ABCB1: variants seen among roughly 807,000 people sequenced by gnomAD.
ABCB1 encodes ATP-dependent translocase ABCB1.
Under a neutral mutation model 142.0 loss-of-function variants are expected in ABCB1, and 69 were observed. The ratio of observed to expected loss-of-function variants is 0.49; its 90% confidence interval spans 0.40 to 0.59. The LOEUF is 0.59. Among genes scored for constraint, ABCB1 ranks in the 20% least tolerant of loss-of-function variants. The pLI, the probability that ABCB1 is intolerant of heterozygous loss-of-function variation, is 0.00. For missense variants in ABCB1, 1,326 were observed against 1,554.7 expected (o/e 0.85, Z 2.47); for synonymous variants, 532 against 539.2 (o/e 0.99, Z 0.18).
intron 8 of ABCB1, among the ~76,000 whole-genome samples, chr7:87,560,207 C>T (rs1045951502): frequency 6.6e-6 from 1 of 152,134 alleles, no homozygotes; most frequent in Admixed American, 6.6e-5. Flanking sequence ...ATTAGCCAGA[C>T]ATCTTTTAAA....
At chr7:87,518,888 T>A (rs1041073952) in intron 23 of ABCB1, 1 of 166,962 alleles carries the variant, frequency 6.0e-6, no homozygotes, top group Non-Finnish European at 1.3e-5. Context: ...TACCTTCCAA[T>A]TCCTCTCTTA....
intron 1 of ABCB1, among the ~76,000 whole-genome samples, chr7:87,674,159 T>G (rs892609533): frequency 3.3e-5 from 5 of 152,104 alleles, no homozygotes; most frequent in African/African-American, 7.2e-5. Context: ...TTCATCGAGG[T>G]GGTGGCAGTG....
intron 1 of ABCB1, among the ~76,000 whole-genome samples, chr7:87,633,950 C>G (rs1305217693): frequency 1.3e-5 from 2 of 152,066 alleles, no homozygotes; most frequent in African/African-American, 4.8e-5. Context: ...GTACAAAAAC[C>G]GTGGCCCCGG....
At chr7:87,623,330 G>A (rs769437557) in intron 1 of ABCB1, among the ~76,000 whole-genome samples, 1 of 152,216 alleles carries the variant, frequency 6.6e-6, no homozygotes, top group Non-Finnish European at 1.5e-5. Context: ...TCGAACTGAG[G>A]GTCAGTATTT....
chr7:87,611,438 G>A (rs1819846037), intron 1 of ABCB1, among the ~76,000 whole-genome samples: 1 of 151,962 alleles, frequency 6.6e-6, no homozygotes, highest in African/African-American at 2.4e-5. Flanking sequence ...GAAGACCCAG[G>A]GTTTAGCTCC....
rs769387998 is a variant in ABCB1, at chr7:87,566,816, C to T, written c.499G>A (p.Asp167Asn). ...AGTCGGGTGTTAAGCTCCCCAACAT[C>T]GTGCACATCAAACCAGCCTATCTCC... is the stretch of plus-strand genomic sequence containing the variant. ...RQEIGWFDVH[D>N]VGELNTRLTD... The change falls in exon 6 of 28, where the codon GAT becomes AAT. Residue 167 changes from aspartate (D) to asparagine (N), a missense_variant. By Grantham distance (23) the Asp-to-Asn change is conservative. Transcript: ENST00000622132. The T allele has an allele frequency of 3.7e-6, 6 of 1,614,068 alleles. No homozygotes were observed. The highest frequency in any genetic ancestry group is 5.1e-6 in the Non-Finnish European group (6 of 1,180,048).
At chr7:87,591,952 C>G (rs1359664742) in intron 3 of ABCB1, among the ~76,000 whole-genome samples, 3 of 152,052 alleles carry the variant, frequency 2.0e-5, no homozygotes, top group African/African-American at 7.2e-5. Context: ...CAAACCGTGA[C>G]ATAACAGAAG....
chr7:87,526,878 T>A lies in ABCB1; in HGVS notation c.2685+4416A>T, dbSNP rs560585334. Among the ~76,000 whole-genome samples the A allele has an allele frequency of 7.9e-5, 12 of 152,336 alleles. No individual in the cohort carries two copies. The South Asian group carries it at 2.5e-3, about 32-fold the overall frequency. ...TAAGAGCATATCTATAGATATGGAC[T>A]CATCCTAAACCGGATTGCATTTATA... is the stretch of plus-strand genomic sequence containing the variant. On this transcript the variant is annotated intron_variant, in intron 21 of 27. Coordinates refer to ENST00000622132, the MANE Select transcript of ABCB1 (RefSeq NM_001348946.2).
chr7:87,709,224 C>A (rs1393708034), intron 1 of ABCB1: 3 of 984,484 alleles, frequency 3.0e-6, no homozygotes, highest in African/African-American at 1.7e-5. Context: ...CCCTACATTT[C>A]TTATCTAGTA....
intron 1 of ABCB1, chr7:87,628,649 C>A: frequency 2.8e-6 from 1 of 357,626 alleles, no homozygotes; most frequent in Non-Finnish European, 4.9e-6. Context: ...AAGGGCGAGC[C>A]GTCAGTCCCC....
At chr7:87,653,413 A>G (rs1224168906) in intron 1 of ABCB1, among the ~76,000 whole-genome samples, 1 of 152,084 alleles carries the variant, frequency 6.6e-6, no homozygotes, top group African/African-American at 2.4e-5. Flanking sequence ...ACATAGTACC[A>G]CTTCAGCTAG....
Position 87,540,148 on chromosome 7 carries a change from T to C in ABCB1, c.2320-803A>G, listed in dbSNP as rs141076380. 5.1e-3 allele frequency among the ~76,000 whole-genome samples: 781 copies of C among 152,348 alleles called. 5 individuals carry two copies. The highest frequency in any genetic ancestry group is 0.018 in the African/African-American group (743 of 41,570). The stretch of plus-strand genomic sequence containing the variant: ...TTCTATTTTTTAAAAATGTAATACA[T>C]GCTTACATGTTAAATAAAGAGATCT... On this transcript the variant is annotated intron_variant, in intron 18 of 27. Coordinates refer to ENST00000622132, the MANE Select transcript of ABCB1 (RefSeq NM_001348946.2).
chr7:87,617,912 G>T (rs1820081642), intron 1 of ABCB1, among the ~76,000 whole-genome samples: 1 of 152,104 alleles, frequency 6.6e-6, no homozygotes, highest in South Asian at 2.1e-4. Context: ...ATACTCTCCT[G>T]ATCCTCCTTA....
intron 19 of ABCB1, among the ~76,000 whole-genome samples, chr7:87,537,843 T>C (rs1359708047): frequency 6.6e-6 from 1 of 152,240 alleles, no homozygotes; most frequent in Non-Finnish European, 1.5e-5. Context: ...AGTATGAATT[T>C]ATATGTTTTA....
At chr7:87,508,937 A>G (rs889649235) in intron 26 of ABCB1, among the ~76,000 whole-genome samples, 1 of 152,124 alleles carries the variant, frequency 6.6e-6, no homozygotes, top group Non-Finnish European at 1.5e-5. Flanking sequence ...CTTTCCAGAT[A>G]TTGTACTTAC....
chr7:87,540,950 T>C (rs1236613138), intron 18 of ABCB1, among the ~76,000 whole-genome samples: 1 of 152,236 alleles, frequency 6.6e-6, no homozygotes, highest in Non-Finnish European at 1.5e-5. Flanking sequence ...TAAACCCATG[T>C]GACCCGCTTA....
rs1385495978 is a variant in ABCB1 at position 87,615,475 on chromosome 7, GA to G, written c.-330-14398del. 3.2e-4 allele frequency among the ~76,000 whole-genome samples: 48 copies of G among 152,302 alleles called. 1 individual carries two copies. Among genetic ancestry groups the G allele is most frequent in the African/African-American group, 1.1e-3 (45 of 41,564 alleles). ...ACTCTGAGTGAGAGAGAAAACCATT[GA>G]AGAGTTTGGAGCAGAGAAGTAACAT... On this transcript the variant is annotated intron_variant, in intron 1 of 28. Coordinates refer to the ABCB1 transcript ENST00000265724.
chr7:87,611,554 T>C (rs897165037), intron 1 of ABCB1, among the ~76,000 whole-genome samples: 1 of 152,166 alleles, frequency 6.6e-6, no homozygotes, highest in African/African-American at 2.4e-5. Flanking sequence ...GACATGATTT[T>C]TTTTTTTTTA....
chr7:87,508,162 G>C (rs28746509), intron 26 of ABCB1, among the ~76,000 whole-genome samples: 3 of 152,076 alleles, frequency 2.0e-5, no homozygotes, highest in Non-Finnish European at 4.4e-5. Context: ...TCTAATTTTG[G>C]ACTTTTAATA....
Sources: gnomAD v4.1 joint callset for allele counts (sites outside exome capture counted in the v4.1 genomes callset) on GRCh38, gnomAD v4.1.1 for gene constraint, MANE v1.5 for transcripts, NCBI Gene and HGNC (gene_info 2026-07-23, HGNC 2026-07-21) for gene names.